Variants in ZNF804B observed in about 807,000 individuals in gnomAD.
The protein encoded by ZNF804B is zinc finger 804B.
ZNF804B carries 80 observed loss-of-function variants against 101.4 expected under a neutral mutation model. The ratio of observed to expected loss-of-function variants is 0.79; its 90% CI spans 0.66 to 0.95. The LOEUF is 0.95. ZNF804B is among the 40% of genes least tolerant of loss of function. ZNF804B has a pLI of 0.00. For missense variants in ZNF804B, 1,673 were observed against 1,561.9 expected (o/e 1.07, Z -1.20); for synonymous variants, 622 against 558.8 (o/e 1.11, Z -1.59).
chr7:89,202,186 G>A (rs1193038380), intron 1 of ZNF804B, among the ~76,000 whole-genome samples: 3 of 152,056 alleles, frequency 2.0e-5, no homozygotes, highest in Non-Finnish European at 4.4e-5. Flanking sequence ...ATAGAAATGT[G>A]AAGACAATTT....
intron 1 of ZNF804B, among the ~76,000 whole-genome samples, chr7:88,893,368 TTTA>T (rs1562824781): frequency 6.6e-6 from 1 of 152,078 alleles, no homozygotes; most frequent in African/African-American, 2.4e-5. Context: ...GATTTAAAAT[TTTA>T]TTATTGAAAT....
At chr7:89,318,308 T>C (rs574130669) in intron 2 of ZNF804B, among the ~76,000 whole-genome samples, 1 of 152,312 alleles carries the variant, frequency 6.6e-6, no homozygotes, top group East Asian at 1.9e-4. Context: ...GGCATGTTGA[T>C]TTTCTCTCTT....
In ZNF804B at chr7:89,004,271, AT is replaced by A. The variant is rs924666399; in HGVS notation, c.109-213874del. Among the ~76,000 whole-genome samples the A allele has an allele frequency of 1.2e-3, 176 of 149,124 alleles. 1 individual carries two copies. The highest frequency in any genetic ancestry group is 3.8e-3 in the African/African-American group (154 of 40,870). On this transcript the variant is annotated intron_variant, in intron 1 of 3. Coordinates refer to ENST00000333190, the MANE Select transcript of ZNF804B (RefSeq NM_181646.5). ...AGACAGACCTATATAAGAAAGGGTG[AT>A]TTTTTTTTTGTTTCCCATCTGACTT...
intron 1 of ZNF804B, among the ~76,000 whole-genome samples, chr7:89,203,522 A>G (rs1030245719): frequency 6.6e-6 from 1 of 152,132 alleles, no homozygotes; most frequent in South Asian, 2.1e-4. Context: ...GCTTAAAGTT[A>G]GTATTTTAGA....
rs1218577282 is a variant in ZNF804B at position 89,337,288 on chromosome 7, G to A, written c.*256G>A. 6.6e-6 allele frequency among the ~76,000 whole-genome samples: 1 copy of A among 152,070 alleles called. No individual in the cohort carries two copies. Among genetic ancestry groups the A allele is most frequent in the East Asian group, 1.9e-4 (1 of 5,194 alleles). On this transcript the variant is annotated 3_prime_UTR_variant, in exon 4 of 4. Transcript: ENST00000333190. ...GGAAGAGGGAAAGAGTTAAAGATTT[G>A]TTTTGGATGGGTTCTCGCATAATGT...
intron 1 of ZNF804B, among the ~76,000 whole-genome samples, chr7:89,072,543 C>T (rs960119892): frequency 2.0e-5 from 3 of 152,070 alleles, no homozygotes; most frequent in Admixed American, 2.0e-4. Flanking sequence ...GTTGGGGCTA[C>T]TGCCTCAGAG....
chr7:88,874,838 C>G (rs1791900929), intron 1 of ZNF804B, among the ~76,000 whole-genome samples: 1 of 150,866 alleles, frequency 6.6e-6, no homozygotes, highest in African/African-American at 2.4e-5. Context: ...CTCCCCACCC[C>G]AAATCAACAG....
intron 2 of ZNF804B, among the ~76,000 whole-genome samples, chr7:89,280,795 G>A (rs533698105): frequency 3.9e-5 from 6 of 152,330 alleles, no homozygotes; most frequent in African/African-American, 1.4e-4. Context: ...TCCAGGACCA[G>A]ATGGATTCAC....
chr7:88,926,274 CTGTTCTG>C (rs1792794891), intron 1 of ZNF804B, among the ~76,000 whole-genome samples: 1 of 151,928 alleles, frequency 6.6e-6, no homozygotes, highest in African/African-American at 2.4e-5. Flanking sequence ...ATGTTTAATT[CTGTTCTG>C]TTCTTTTATT....
At chr7:89,003,125 T>C (rs577224973) in intron 1 of ZNF804B, among the ~76,000 whole-genome samples, 27 of 151,610 alleles carry the variant, frequency 1.8e-4, no homozygotes, top group African/African-American at 6.5e-4. Flanking sequence ...ATTTTCAGAG[T>C]GATAGTAATT....
intron 1 of ZNF804B, among the ~76,000 whole-genome samples, chr7:89,028,776 A>G (rs950874510): frequency 6.6e-6 from 1 of 152,188 alleles, no homozygotes; most frequent in African/African-American, 2.4e-5. Flanking sequence ...ATGAATAATA[A>G]CAATGCCTAT....
In ZNF804B at chr7:89,132,258, G is replaced by A. The variant is rs189272344; in HGVS notation, c.109-85897G>A. Among the ~76,000 whole-genome samples the A allele has an allele frequency of 1.2e-3, 189 of 151,626 alleles. 1 individual carries two copies. Among genetic ancestry groups the A allele is most frequent in the African/African-American group, 4.3e-3 (176 of 41,348 alleles). ...CATTATAGAACACAAGACTATAGGTGTTCAGAAAAAAATAAATCAGTGAGA... is the reference window on the plus strand; with the variant it reads ...CATTATAGAACACAAGACTATAGGTATTCAGAAAAAAATAAATCAGTGAGA... On this transcript the variant is annotated intron_variant, in intron 1 of 3. Coordinates refer to ENST00000333190, the MANE Select transcript of ZNF804B (RefSeq NM_181646.5).
chr7:89,052,425 A>G (rs1403251840), intron 1 of ZNF804B, among the ~76,000 whole-genome samples: 2 of 152,224 alleles, frequency 1.3e-5, no homozygotes, highest in Admixed American at 6.6e-5. Context: ...GCTAGATTGC[A>G]TATATGAAAT....
intron 2 of ZNF804B, among the ~76,000 whole-genome samples, chr7:89,260,432 G>A (rs1229602338): frequency 6.6e-6 from 1 of 151,918 alleles, no homozygotes; most frequent in Non-Finnish European, 1.5e-5. Context: ...TTCTTAATGG[G>A]ATCTGGGAAT....
intron 1 of ZNF804B, among the ~76,000 whole-genome samples, chr7:88,871,357 A>G (rs1791820450): frequency 6.6e-6 from 1 of 152,114 alleles, no homozygotes; most frequent in South Asian, 2.1e-4. Flanking sequence ...GAGGGAACAC[A>G]TTATTATTAT....
In ZNF804B at chr7:89,068,555, T is replaced by G. The variant is rs538875096; in HGVS notation, c.109-149600T>G. Among the ~76,000 whole-genome samples the G allele has an allele frequency of 2.6e-5, 4 of 152,304 alleles. No individual in the cohort carries two copies. In the East Asian group the frequency reaches 7.7e-4, roughly 29 times the overall value. ...TACCCTGACATTTTTCAAACTGCTC[T>G]TTTATGCAAGGCATTGGCTGCATTC... is the stretch of plus-strand genomic sequence containing the variant. On this transcript the variant is annotated intron_variant, in intron 1 of 3. Transcript: ENST00000333190.
chr7:89,220,369 G>T (rs1317384653), intron 2 of ZNF804B, among the ~76,000 whole-genome samples: 2 of 151,570 alleles, frequency 1.3e-5, no homozygotes, highest in African/African-American at 4.8e-5. Context: ...TAATTGTTCA[G>T]ATTCACAGAA....
chr7:89,101,818 A>T (rs1227165893), intron 1 of ZNF804B, among the ~76,000 whole-genome samples: 1 of 151,806 alleles, frequency 6.6e-6, no homozygotes, highest in African/African-American at 2.4e-5. Context: ...TAAGTGTTGG[A>T]TATTATACCC....
chr7:88,790,936 T>C (rs1205911226), intron 1 of ZNF804B, among the ~76,000 whole-genome samples: 2 of 152,114 alleles, frequency 1.3e-5, no homozygotes. Flanking sequence ...GAGTCCAATT[T>C]AAAGACATTA....
Sources: gnomAD v4.1 joint callset for allele counts (sites outside exome capture counted in the v4.1 genomes callset) on GRCh38, gnomAD v4.1.1 for gene constraint, MANE v1.5 for transcripts, NCBI Gene and HGNC (gene_info 2026-07-23, HGNC 2026-07-21) for gene names.